ZNF487: variants seen among roughly 807,000 people sequenced by gnomAD.
ZNF487 encodes KRAB domain only 1.
In ZNF487, 4 loss-of-function variants were observed where a neutral mutation model predicts 3.0. The observed-to-expected ratio is 1.35, with a 90% CI of 0.66 to 3.08. The LOEUF (loss-of-function observed/expected upper bound fraction) is 3.08, where lower values mean the gene tolerates loss of function less well. Among genes scored for constraint, ZNF487 ranks in the 30% most tolerant of loss-of-function variants. The pLI is 0.01. For missense variants in ZNF487, 146 were observed against 98.7 expected (o/e 1.48, Z -2.03); for synonymous variants, 55 against 34.6 (o/e 1.59, Z -2.06).
At chr10:43,519,711 C>T in the ZNF487 span, among the ~76,000 whole-genome samples, 1 of 152,190 alleles carries the variant, frequency 6.6e-6, no homozygotes, top group Non-Finnish European at 1.5e-5. Context: ...TGTGATCCGC[C>T]TATCTTGGCC....
intron 1 of ZNF487, among the ~76,000 whole-genome samples, chr10:43,440,019 G>T (rs1004820125): frequency 6.0e-5 from 9 of 150,590 alleles, no homozygotes; most frequent in Non-Finnish European, 1.2e-4. Context: ...ACTTTAAAAA[G>T]GTTAATTGGT....
At chr10:43,515,135 C>T in the ZNF487 span, among the ~76,000 whole-genome samples, 1 of 152,186 alleles carries the variant, frequency 6.6e-6, no homozygotes, top group African/African-American at 2.4e-5. Flanking sequence ...TGTGTTCTTT[C>T]CACCATTATC....
At position 43,438,964 on chromosome 10, in the gene ZNF487, G is replaced by A. The variant is rs534856894; in HGVS notation, c.-94+1702G>A. On this transcript the variant is annotated intron_variant, in intron 1 of 3. Transcript: ENST00000437590. ...AATACAAAAATTAGCTGGGCAGGCC[G>A]GGCGCGGTGTCTCACGCCTGTAGTC... 3.9e-5 allele frequency among the ~76,000 whole-genome samples: 6 copies of A among 152,202 alleles called. No individual in the cohort carries two copies. The South Asian group carries it at 1.0e-3, about 26-fold the overall frequency.
upstream of ZNF487, chr10:43,437,093 C>G (rs1839413511): frequency 3.3e-6 from 1 of 300,860 alleles, no homozygotes; most frequent in South Asian, 2.4e-5. Context: ...CAGGCCCCGC[C>G]CCTCGGCGGC....
chr10:43,498,097 ATATT>A, the ZNF487 span, among the ~76,000 whole-genome samples: 1 of 10,050 alleles, frequency 1.0e-4, no homozygotes, highest in African/African-American at 4.7e-4. Flanking sequence ...ATATATATAT[ATATT>A]TTTTTTTTTT....
the ZNF487 span, among the ~76,000 whole-genome samples, chr10:43,518,290 G>A: frequency 6.6e-6 from 1 of 152,164 alleles, no homozygotes; most frequent in African/African-American, 2.4e-5. Context: ...CTCCCATCTA[G>A]GCCCCAAGCA....
At chr10:43,446,678 C>T (rs1294646464) in intron 1 of ZNF487, among the ~76,000 whole-genome samples, 11 of 151,272 alleles carry the variant, frequency 7.3e-5, no homozygotes, top group Admixed American at 3.9e-4. Context: ...GACGGGATGA[C>T]GGCCGGGAAG....
chr10:43,455,806 C>T (rs1392489253), intron 1 of ZNF487, among the ~76,000 whole-genome samples: 2 of 152,242 alleles, frequency 1.3e-5, no homozygotes, highest in Non-Finnish European at 2.9e-5. Context: ...AGGCTGGCAG[C>T]CGGCCTTAGC....
the ZNF487 span, among the ~76,000 whole-genome samples, chr10:43,504,723 G>GTT: frequency 1.9e-4 from 3 of 16,012 alleles, no homozygotes; most frequent in Non-Finnish European, 2.7e-4. Flanking sequence ...TGTTGTTGTT[G>GTT]TTTTTTTTTT....
At chr10:43,465,068 C>CCGGG (rs1840626947) in intron 1 of ZNF487, among the ~76,000 whole-genome samples, 2 of 145,046 alleles carry the variant, frequency 1.4e-5, no homozygotes, top group African/African-American at 5.2e-5. Context: ...CACCTCCCTC[C>CCGGG]CGGGGCGGCT....
At chr10:43,498,640 A>G in the ZNF487 span, among the ~76,000 whole-genome samples, 1 of 151,692 alleles carries the variant, frequency 6.6e-6, no homozygotes, top group Non-Finnish European at 1.5e-5. Context: ...GAGGAAATTG[A>G]TAAGAATGTA....
At chr10:43,490,068 G>A in the ZNF487 span, among the ~76,000 whole-genome samples, 1 of 152,204 alleles carries the variant, frequency 6.6e-6, no homozygotes, top group African/African-American at 2.4e-5. Context: ...GAAGGATTGA[G>A]GCCGGCGTGG....
chr10:43,446,629 G>T (rs1839816436), intron 1 of ZNF487, among the ~76,000 whole-genome samples: 3 of 148,420 alleles, frequency 2.0e-5, no homozygotes, highest in Non-Finnish European at 1.5e-5. Context: ...CCACATCCTA[G>T]ACGATGGGCG....
At chr10:43,520,736 G>A in the ZNF487 span, among the ~76,000 whole-genome samples, 1 of 152,184 alleles carries the variant, frequency 6.6e-6, no homozygotes, top group Non-Finnish European at 1.5e-5. Context: ...TTTCTTGAAG[G>A]CATCCAGCTG....
chr10:43,479,858 G>A (rs928495129), intron 3 of ZNF487, among the ~76,000 whole-genome samples: 24 of 152,074 alleles, frequency 1.6e-4, no homozygotes, highest in African/African-American at 5.8e-4. Context: ...GGTTTGCCGT[G>A]TTGGCAAGGC....
In ZNF487 at chr10:43,482,914, A is replaced by C. The variant is rs775256883; in HGVS notation, c.*992A>C. 7.5e-6 allele frequency: 4 copies of C among 532,786 alleles called. No individual in the cohort carries two copies. Among genetic ancestry groups the C allele is most frequent in the Non-Finnish European group, 1.2e-5 (3 of 259,516 alleles). 33.0% of individuals were successfully genotyped at this position (532,786 alleles called of 1,614,324 possible). ...AGAACCCACACAGGAGAGAAACCCT[A>C]TGCATGTAGTGAATGTGGGAAAACC... On this transcript the variant is annotated 3_prime_UTR_variant, in exon 4 of 4. Coordinates refer to ENST00000437590, the MANE Select transcript of ZNF487 (RefSeq NM_001355444.3).
At chr10:43,492,534 C>G in the ZNF487 span, among the ~76,000 whole-genome samples, 1 of 151,586 alleles carries the variant, frequency 6.6e-6, no homozygotes, top group South Asian at 2.1e-4. Context: ...TCACTGCAAG[C>G]TCCACCTCCT....
intron 1 of ZNF487, among the ~76,000 whole-genome samples, chr10:43,456,843 A>G (rs1840223353): frequency 6.6e-6 from 1 of 152,178 alleles, no homozygotes; most frequent in East Asian, 1.9e-4. Context: ...TGCCTCCCAA[A>G]GTGTTGGGAT....
At chr10:43,514,482 G>A in the ZNF487 span, among the ~76,000 whole-genome samples, 11 of 152,224 alleles carry the variant, frequency 7.2e-5, no homozygotes, top group African/African-American at 2.2e-4. Flanking sequence ...TTGTCCCTTC[G>A]ACTTAGAAAT....
Sources: allele counts gnomAD v4.1 joint callset (sites outside exome capture counted in the v4.1 genomes callset), GRCh38; gene constraint gnomAD v4.1.1; transcripts MANE v1.5; gene names NCBI Gene and HGNC (gene_info 2026-07-23, HGNC 2026-07-21).